The following PPL variants were observed in gnomAD, a reference collection of about 807,000 sequenced individuals.
PPL encodes periplakin.
PPL carries 198 observed loss-of-function variants against 194.4 expected under a neutral mutation model. The observed-to-expected ratio is 1.02, with a 90% CI of 0.91 to 1.15. PPL has a LOEUF of 1.15. Ranked by LOEUF, PPL falls within the 50% of genes most tolerant of loss-of-function variation. The probability of loss-of-function intolerance (pLI) is 0.00; values close to 1 mark genes in which losing one functional copy is unlikely to be tolerated. For missense variants in PPL, 2,885 were observed against 2,294.8 expected, an observed-to-expected ratio of 1.26 and a Z score of -5.25; for synonymous variants, 1,220 against 972.4, an observed-to-expected ratio of 1.25 and a Z score of -4.74.
intron 2 of PPL, among the ~76,000 whole-genome samples, chr16:4,910,182 T>G (rs769008422): frequency 3.3e-5 from 5 of 152,176 alleles, no homozygotes; most frequent in Admixed American, 6.6e-5. Context: ...AAAGGGAAAC[T>G]GAGGCACAGA....
In PPL at chr16:4,885,862, CGATTCCTGAGGCCCCT is replaced by C; in HGVS notation, c.2777_2792del (p.Gln926ArgfsTer3). 3 of 1,608,394 alleles carry C rather than the reference CGATTCCTGAGGCCCCT, an allele frequency of 1.9e-6. No homozygotes were observed. Among genetic ancestry groups the C allele is most frequent in the Non-Finnish European group, 2.5e-6 (3 of 1,180,004 alleles). ...TCTTGAGCACCTCCTTCCTCACCAC[CGATTCCTGAGGCCCCT>C]GATTCCTCAAGGTCCAGATTTCTTC... is the stretch of plus-strand genomic sequence containing the variant. On this transcript the variant is annotated frameshift_variant, in exon 22 of 22. Transcript: ENST00000345988. LOFTEE classifies it high-confidence loss of function. The surrounding 1 kb of genome is among the most constrained non-coding windows in gnomAD (Gnocchi z 6.3).
At chr16:4,928,667 T>C (rs1231992806) in intron 1 of PPL, among the ~76,000 whole-genome samples, 1 of 152,188 alleles carries the variant, frequency 6.6e-6, no homozygotes, top group Non-Finnish European at 1.5e-5. Context: ...ATTCCAAGTT[T>C]GTACCACAAA....
intron 1 of PPL, among the ~76,000 whole-genome samples, chr16:4,916,283 G>A (rs1276463228): frequency 6.6e-6 from 1 of 151,938 alleles, no homozygotes; most frequent in African/African-American, 2.4e-5. Flanking sequence ...CATGATCTCG[G>A]CTCACTCAGC....
At chr16:4,924,526 C>T (rs2089119883) in intron 1 of PPL, among the ~76,000 whole-genome samples, 1 of 152,182 alleles carries the variant, frequency 6.6e-6, no homozygotes, top group Non-Finnish European at 1.5e-5. Flanking sequence ...TACCCAGGGA[C>T]ACCTAATAAA....
Position 4,884,701 on chromosome 16 carries a change from C to T in PPL, c.3954G>A (p.Glu1318=), listed in dbSNP as rs537414078. The T allele has an allele frequency of 6.2e-6, 10 of 1,614,160 alleles. No homozygotes were observed. The Admixed American group carries it at 1.0e-4, about 16-fold the overall frequency. The part of the protein sequence containing the change: ...VASLRAKLSE[E]QKKQVDLERE... ...TCTCCAGATCCACTTGTTTCTTCTGCTCCTCTGAGAGCTTTGCCCTCAGAG... is the reference window on the plus strand; with the variant it reads ...TCTCCAGATCCACTTGTTTCTTCTGTTCCTCTGAGAGCTTTGCCCTCAGAG... Residue 1318 remains glutamate (E), a synonymous_variant, in exon 22 of 22, where the codon GAG becomes GAA. Coordinates refer to ENST00000345988, the MANE Select transcript of PPL (RefSeq NM_002705.5). The surrounding 1 kb of genome is among the most constrained non-coding windows in gnomAD (Gnocchi z 5.7).
chr16:4,923,504 G>A (rs749351033), intron 1 of PPL, among the ~76,000 whole-genome samples: 1 of 152,140 alleles, frequency 6.6e-6, no homozygotes, highest in African/African-American at 2.4e-5. Flanking sequence ...CCTGGAAGGG[G>A]GCTCCCTGGG....
intron 15 of PPL, 40 bp from the exon 16 acceptor site, chr16:4,891,989 C>T (rs1285530389): frequency 1.9e-6 from 3 of 1,609,700 alleles, no homozygotes; most frequent in South Asian, 1.1e-5. Flanking sequence ...GCCCACCTGG[C>T]CCCCTGACCC....
rs1348180251 is a variant in PPL at position 4,890,753 on chromosome 16, T to A, written c.2137A>T (p.Asn713Tyr). 6.2e-7 allele frequency: 1 copy of A among 1,608,508 alleles called. No individual in the cohort carries two copies. Among genetic ancestry groups the A allele is most frequent in the Non-Finnish European group, 8.5e-7 (1 of 1,178,140 alleles). ...EVHKLGQRFN[N>Y]LRQQVERRAQ... is the part of the protein sequence containing the mutation. ...CTGCGTTCCACCTGCTGGCGCAGGTTGTTGAAACGCTGGCCCAGCTTGTGC... is the reference window on the plus strand; with the variant it reads ...CTGCGTTCCACCTGCTGGCGCAGGTAGTTGAAACGCTGGCCCAGCTTGTGC... The change falls in exon 17 of 22, where the codon AAC becomes TAC. Residue 713 changes from asparagine to tyrosine, a missense_variant. Asn to Tyr is a moderately radical substitution (Grantham distance 143). Transcript: ENST00000345988.
intron 9 of PPL, among the ~76,000 whole-genome samples, chr16:4,895,967 G>A (rs1195742871): frequency 6.6e-6 from 1 of 152,208 alleles, no homozygotes; most frequent in Admixed American, 6.5e-5. Flanking sequence ...CCACCTCTGT[G>A]ACATGTTTTC....
At chr16:4,905,039 C>T (rs1057330218) in intron 2 of PPL, among the ~76,000 whole-genome samples, 10 of 152,310 alleles carry the variant, frequency 6.6e-5, no homozygotes, top group African/African-American at 2.4e-4. Flanking sequence ...TGTGAGTCTA[C>T]ACCATGCTAG....
Position 4,884,969 on chromosome 16 carries a change from T to C in PPL, c.3686A>G (p.Lys1229Arg). The change falls in exon 22 of 22, where the codon AAA (lysine) becomes AGA (arginine). Residue 1229 changes from lysine to arginine, a missense_variant. Transcript: ENST00000345988. The surrounding 1 kb of genome is among the most constrained non-coding windows in gnomAD (Gnocchi z 5.7). ...LRRRGPQVEVKEVTKEVIKYK... is the reference protein window; with the variant it reads ...LRRRGPQVEVREVTKEVIKYK... ...CTTAATGACTTCCTTAGTCACCTCTTTGACTTCCACCTGGGGGCCTCGCCT... is the reference window on the plus strand; with the variant it reads ...CTTAATGACTTCCTTAGTCACCTCTCTGACTTCCACCTGGGGGCCTCGCCT... 1.9e-6 allele frequency: 3 copies of C among 1,614,140 alleles called. No individual in the cohort carries two copies. Among genetic ancestry groups the C allele is most frequent in the Non-Finnish European group, 2.5e-6 (3 of 1,180,028 alleles).
At position 4,884,612 on chromosome 16, in the gene PPL, T is replaced by C. The variant is rs1042069439; in HGVS notation, c.4043A>G (p.Glu1348Gly). The C allele has an allele frequency of 1.2e-6, 2 of 1,614,144 alleles. No homozygotes were observed. Among genetic ancestry groups the C allele is most frequent in the Non-Finnish European group, 1.7e-6 (2 of 1,180,026 alleles). ...GACCACCTCCTGCTGCACCACCCTT[T>C]CCTTCACCCGCGAGAGCTCCTCCTC... ...RKEEELSRVK[E>G]RVVQQEVVRY... Residue 1348 changes from glutamate to glycine, a missense_variant, in exon 22 of 22, where the codon GAA (glutamate) becomes GGA (glycine). By Grantham distance (98) the Glu-to-Gly change is moderately conservative (BLOSUM62 -2). Transcript: ENST00000345988. This position sits in a 1 kb window ranked among gnomAD's most constrained non-coding sequence, Gnocchi z 5.7.
chr16:4,892,760 TA>T (rs2088344027), intron 14 of PPL: 1 of 164,496 alleles, frequency 6.1e-6, no homozygotes, highest in Non-Finnish European at 1.3e-5. Flanking sequence ...GGAGACTTTG[TA>T]TAGGAAAGGA....
At chr16:4,906,089 C>G (rs772239525) in intron 2 of PPL, among the ~76,000 whole-genome samples, 3 of 152,304 alleles carry the variant, frequency 2.0e-5, no homozygotes, top group Admixed American at 6.5e-5. Flanking sequence ...GCCTTGGCGA[C>G]AGAGCGAGAC....
chr16:4,933,253 C>T (rs1017577128), intron 1 of PPL, among the ~76,000 whole-genome samples: 3 of 152,092 alleles, frequency 2.0e-5, no homozygotes, highest in Non-Finnish European at 4.4e-5. Flanking sequence ...TGCCAGCTCT[C>T]CCCTCAAAGC....
At chr16:4,906,504 C>T (rs901556625) in intron 2 of PPL, among the ~76,000 whole-genome samples, 2 of 152,172 alleles carry the variant, frequency 1.3e-5, no homozygotes, top group Non-Finnish European at 2.9e-5. Context: ...GGATTACAGG[C>T]GTGAGCCACC....
In PPL at chr16:4,883,947, G is replaced by C; in HGVS notation, c.4708C>G (p.Leu1570Val). The change falls in exon 22 of 22, where the codon CTG becomes GTG. Residue 1570 changes from leucine (L) to valine (V), a missense_variant. By Grantham distance (32) the Leu-to-Val change is conservative (BLOSUM62 1). Coordinates refer to ENST00000345988, the MANE Select transcript of PPL (RefSeq NM_002705.5). This position sits in a 1 kb window ranked among gnomAD's most constrained non-coding sequence, Gnocchi z 4.8. Reference protein sequence around the residue: ...FLREENHKLQLERQNLQLETR... With the variant: ...FLREENHKLQVERQNLQLETR... ...TCCAGCTGCAGGTTTTGCCTCTCCAGCTGTAATTTGTGGTTCTCTTCCCTC... is the reference window on the plus strand; with the variant it reads ...TCCAGCTGCAGGTTTTGCCTCTCCACCTGTAATTTGTGGTTCTCTTCCCTC... The C allele has an allele frequency of 6.2e-7, 1 of 1,614,062 alleles. No homozygotes were observed. The highest frequency in any genetic ancestry group is 8.5e-7 in the Non-Finnish European group (1 of 1,180,024).
rs754483171 is a variant in PPL at position 4,890,237 on chromosome 16, G to A, written c.2260C>T (p.Pro754Ser). The A allele has an allele frequency of 3.1e-6, 5 of 1,614,074 alleles. No individual in the cohort carries two copies. The highest frequency in any genetic ancestry group is 4.2e-6 in the Non-Finnish European group (5 of 1,180,044). ...TGGCTGAGGCTGTCTGTCTCCTGGGGCTCGTAACTGGGGATGCTGACTAGG... is the reference window on the plus strand; with the variant it reads ...TGGCTGAGGCTGTCTGTCTCCTGGGACTCGTAACTGGGGATGCTGACTAGG... ...QFLVSIPSYE[P>S]QETDSLSQME... The change falls in exon 18 of 22, where the codon CCC becomes TCC. Residue 754 changes from proline to serine, a missense_variant. Coordinates refer to ENST00000345988, the MANE Select transcript of PPL (RefSeq NM_002705.5).
At chr16:4,886,158 G>T (rs780559197) in intron 21 of PPL, 111 bp from the exon 22 acceptor site, 18 of 1,317,678 alleles carry the variant, frequency 1.4e-5, no homozygotes, top group African/African-American at 3.0e-5. Context: ...GACTCCCTCA[G>T]TGCCAGTTCA....
Sources: allele counts gnomAD v4.1 joint callset (sites outside exome capture counted in the v4.1 genomes callset), GRCh38; gene constraint gnomAD v4.1.1; non-coding constraint Gnocchi (gnomAD v3.1); transcripts MANE v1.5; gene names NCBI Gene and HGNC (gene_info 2026-07-23, HGNC 2026-07-21).